The following PCDHA12 variants were observed in gnomAD, a reference collection of about 807,000 sequenced individuals.
The protein encoded by PCDHA12 is protocadherin alpha-12.
A neutral mutation model predicts 60.0 loss-of-function variants in PCDHA12; 44 were observed. That is an observed-to-expected ratio of 0.73 (90% CI 0.58 to 0.94). PCDHA12 has a LOEUF of 0.94. Among genes scored for constraint, PCDHA12 ranks in the 40% least tolerant of loss-of-function variants. The pLI is 0.00. For missense variants in PCDHA12, 1,276 were observed against 1,239.7 expected (o/e 1.03, Z -0.44); for synonymous variants, 569 against 553.0 (o/e 1.03, Z -0.40).
intron 3 of PCDHA12, among the ~76,000 whole-genome samples, chr5:140,988,622 A>G (rs192744779): frequency 6.6e-6 from 1 of 152,242 alleles, no homozygotes; most frequent in East Asian, 1.9e-4. Flanking sequence ...TAGAATGGAG[A>G]TGTCCTGGTT....
intron 1 of PCDHA12, chr5:140,882,602 A>T: frequency 6.2e-7 from 1 of 1,614,276 alleles, no homozygotes; most frequent in Non-Finnish European, 8.5e-7. Flanking sequence ...GATCGTGGAC[A>T]GGCCTCTGCA....
intron 1 of PCDHA12, among the ~76,000 whole-genome samples, chr5:140,906,089 A>G (rs13182228): frequency 0.33 from 49,632 of 151,980 alleles, 8,394 homozygotes; most frequent in East Asian, 0.53. Flanking sequence ...CCAGACTGAG[A>G]GTAAGTGTGT....
At chr5:140,880,042 G>A (rs530262393) in intron 1 of PCDHA12, among the ~76,000 whole-genome samples, 3 of 152,208 alleles carry the variant, frequency 2.0e-5, no homozygotes, top group Non-Finnish European at 4.4e-5. Flanking sequence ...CAGGGATTAA[G>A]ATGTGGGCAT....
At position 140,882,588 on chromosome 5, in the gene PCDHA12, A is replaced by G; in HGVS notation, c.2367+4749A>G. The G allele has an allele frequency of 1.2e-6, 2 of 1,614,186 alleles. No homozygotes were observed. Among genetic ancestry groups the G allele is most frequent in the African/African-American group, 1.3e-5 (1 of 75,040 alleles). ...AGCGCGGAGTGCAGCATCCACCTGG[A>G]GGTGATCGTGGACAGGCCTCTGCAG... On this transcript the variant is annotated intron_variant, in intron 1 of 3. Coordinates refer to ENST00000398631, the MANE Select transcript of PCDHA12 (RefSeq NM_018903.4).
chr5:140,983,746 T>A (rs1206745225), intron 3 of PCDHA12, among the ~76,000 whole-genome samples: 2 of 152,228 alleles, frequency 1.3e-5, no homozygotes, highest in East Asian at 3.8e-4. Flanking sequence ...CTTGCAATAA[T>A]CCATTCAAAT....
At chr5:140,901,583 T>C (rs530803677) in intron 1 of PCDHA12, among the ~76,000 whole-genome samples, 14 of 152,340 alleles carry the variant, frequency 9.2e-5, no homozygotes, top group African/African-American at 3.4e-4. Context: ...GCCAGTGCCA[T>C]GATGTTTTGG....
rs143363926 is a variant in PCDHA12 at position 140,919,499 on chromosome 5, C to T, written c.2367+41660C>T. Among the ~76,000 whole-genome samples the T allele has an allele frequency of 1.8e-4, 27 of 152,124 alleles. No homozygotes were observed. In the East Asian group the frequency reaches 5.2e-3, roughly 29 times the overall value. ...TGGATTTATGTTTGTTATTTTACTCCTTTTTCTATATGTTTTAATTCTCTT... is the reference window on the plus strand; with the variant it reads ...TGGATTTATGTTTGTTATTTTACTCTTTTTTCTATATGTTTTAATTCTCTT... On this transcript the variant is annotated intron_variant, in intron 1 of 3. Coordinates refer to ENST00000398631, the MANE Select transcript of PCDHA12 (RefSeq NM_018903.4).
chr5:140,952,192 G>T (rs572613863), intron 1 of PCDHA12, among the ~76,000 whole-genome samples: 3 of 152,080 alleles, frequency 2.0e-5, no homozygotes, highest in Non-Finnish European at 4.4e-5. Context: ...TCATGGGTTG[G>T]TGTTGAATGC....
At chr5:140,994,474 G>A (rs545568699) in intron 3 of PCDHA12, among the ~76,000 whole-genome samples, 27 of 152,078 alleles carry the variant, frequency 1.8e-4, no homozygotes, top group Non-Finnish European at 2.9e-4. Flanking sequence ...AGGCTGAGGC[G>A]GGTGGATTGC....
At chr5:140,988,519 T>C (rs187868159) in intron 3 of PCDHA12, among the ~76,000 whole-genome samples, 69 of 152,324 alleles carry the variant, frequency 4.5e-4, no homozygotes, top group African/African-American at 1.5e-3. Context: ...TACTTAAGTC[T>C]CTGCTGGCTC....
At position 140,876,742 on chromosome 5, in the gene PCDHA12, G is replaced by C. The variant is rs1554168860; in HGVS notation, c.1270G>C (p.Val424Leu). 1.9e-6 allele frequency: 3 copies of C among 1,614,274 alleles called. No individual in the cohort carries two copies. Among genetic ancestry groups the C allele is most frequent in the Admixed American group, 3.3e-5 (2 of 60,036 alleles). Reference sequence around the variant, plus strand: ...CGAGAGCGTGTCGGCCTATGAGCTGGTGGTGACTGCGCGGGATGGGGGCTC... The same window carrying C: ...CGAGAGCGTGTCGGCCTATGAGCTGCTGGTGACTGCGCGGGATGGGGGCTC... ...DRESVSAYEL[V>L]VTARDGGSPS... Residue 424 changes from valine (V) to leucine (L), a missense_variant, in exon 1 of 4, where the codon GTG (valine) becomes CTG (leucine). Transcript: ENST00000398631.
chr5:140,999,372 G>A (rs1029178969), intron 3 of PCDHA12, among the ~76,000 whole-genome samples: 3 of 152,188 alleles, frequency 2.0e-5, no homozygotes, highest in Non-Finnish European at 1.5e-5. Context: ...AATCCCATTA[G>A]ATGGTTATTG....
At chr5:140,982,217 C>A in intron 2 of PCDHA12, 1 of 507,664 alleles carries the variant, frequency 2.0e-6, no homozygotes, top group Non-Finnish European at 3.1e-6. Flanking sequence ...CGCCACATGG[C>A]GTTAATAAAA....
chr5:140,967,837 C>T (rs2096189054), intron 1 of PCDHA12: 4 of 1,613,994 alleles, frequency 2.5e-6, no homozygotes, highest in African/African-American at 2.7e-5. Context: ...ACATCGTGGA[C>T]GTGAATGACA....
chr5:140,978,806 C>G (rs1554239758), intron 1 of PCDHA12, 143 bp from the exon 2 acceptor site: 2 of 1,492,474 alleles, frequency 1.3e-6, no homozygotes, highest in Non-Finnish European at 1.8e-6. Context: ...TAGATATCAT[C>G]ATAGAGTTAC....
chr5:141,009,594 C>G, intron 3 of PCDHA12, 33 bp from the exon 4 acceptor site: 1 of 1,602,468 alleles, frequency 6.2e-7, no homozygotes, highest in Non-Finnish European at 8.5e-7. Context: ...ATGTGTTGAC[C>G]CTGTTAATGA....
intron 2 of PCDHA12, among the ~76,000 whole-genome samples, chr5:140,980,855 C>T (rs1313101029): frequency 2.6e-5 from 4 of 151,960 alleles, no homozygotes; most frequent in South Asian, 2.1e-4. Flanking sequence ...TAATCTTTTT[C>T]GTATGTGTGC....
At chr5:140,993,472 A>T (rs1164535164) in intron 3 of PCDHA12, among the ~76,000 whole-genome samples, 1 of 134,248 alleles carries the variant, frequency 7.4e-6, no homozygotes, top group Non-Finnish European at 1.5e-5. Flanking sequence ...TCACACACAC[A>T]CACACACACA....
chr5:140,968,886 A>T, intron 1 of PCDHA12: 1 of 1,614,186 alleles, frequency 6.2e-7, no homozygotes, highest in Non-Finnish European at 8.5e-7. Flanking sequence ...ATTACCCTTT[A>T]TCTAATAATA....
Sources: allele counts gnomAD v4.1 joint callset (sites outside exome capture counted in the v4.1 genomes callset), GRCh38; gene constraint gnomAD v4.1.1; transcripts MANE v1.5; gene names NCBI Gene and HGNC (gene_info 2026-07-23, HGNC 2026-07-21).